The following MICAL2 variants were observed in gnomAD, a reference collection of about 807,000 sequenced individuals.
MICAL2 encodes microtubule associated monooxygenase, calponin and LIM domain containing 2, also known as [F-actin]-monooxygenase MICAL2.
Under a neutral mutation model 127.3 loss-of-function variants are expected in MICAL2, and 77 were observed. The observed-to-expected ratio is 0.60, with a 90% CI of 0.50 to 0.73. MICAL2 has a LOEUF of 0.73. MICAL2 is among the 30% of genes least tolerant of loss of function. MICAL2 has a pLI of 0.00. For missense variants in MICAL2, 1,351 were observed against 1,434.4 expected (o/e 0.94, Z 0.94); for synonymous variants, 570 against 551.1 (o/e 1.03, Z -0.48).
At chr11:12,140,467 T>C (rs1166556914) in intron 2 of MICAL2, among the ~76,000 whole-genome samples, 1 of 151,162 alleles carries the variant, frequency 6.6e-6, no homozygotes, top group Non-Finnish European at 1.5e-5. Flanking sequence ...AGGAGCTCAA[T>C]AAACACTTGT....
At chr11:12,341,370 G>T (rs373846852) in intron 32 of MICAL2, among the ~76,000 whole-genome samples, 2 of 151,772 alleles carry the variant, frequency 1.3e-5, no homozygotes, top group Non-Finnish European at 2.9e-5. Flanking sequence ...TATGAACCAC[G>T]CAGCAAAACA....
At chr11:12,288,045 C>A (rs970886857), downstream of MICAL2, among the ~76,000 whole-genome samples, 1 of 152,152 alleles carries the variant, frequency 6.6e-6, no homozygotes, top group South Asian at 2.1e-4. Context: ...AGGCTCCCAG[C>A]CAGTGAGTCA....
intron 32 of MICAL2, among the ~76,000 whole-genome samples, chr11:12,348,456 T>C (rs1366312236): frequency 6.6e-6 from 1 of 152,172 alleles, no homozygotes; most frequent in East Asian, 1.9e-4. Flanking sequence ...CACTCATGGA[T>C]TTTGATATCC....
At chr11:12,312,340 T>G (rs1387261405) in intron 29 of MICAL2, among the ~76,000 whole-genome samples, 1 of 83,102 alleles carries the variant, frequency 1.2e-5, no homozygotes, top group Non-Finnish European at 2.4e-5. Context: ...TTTCTCAACT[T>G]TTTTTTTTTT....
intron 32 of MICAL2, among the ~76,000 whole-genome samples, chr11:12,345,168 A>G (rs1205402476): frequency 6.6e-6 from 1 of 152,132 alleles, no homozygotes; most frequent in Non-Finnish European, 1.5e-5. Flanking sequence ...AGTATTTAGA[A>G]AGAATTTTGA....
At chr11:12,164,132 GT>G (rs1325755363) in intron 3 of MICAL2, among the ~76,000 whole-genome samples, 1 of 152,050 alleles carries the variant, frequency 6.6e-6, no homozygotes, top group Non-Finnish European at 1.5e-5. Flanking sequence ...TGCCTAGCTG[GT>G]GTGGCCAGCC....
chr11:12,357,989 T>G (rs1939154426), intron 34 of MICAL2, among the ~76,000 whole-genome samples: 1 of 152,184 alleles, frequency 6.6e-6, no homozygotes, highest in South Asian at 2.1e-4. Flanking sequence ...AGCTTCTCTT[T>G]GGGGCAGAGG....
intron 32 of MICAL2, among the ~76,000 whole-genome samples, chr11:12,330,877 GAGAGAC>G (rs1319663039): frequency 2.1e-5 from 3 of 140,146 alleles, no homozygotes; most frequent in East Asian, 2.2e-4. Context: ...GAGAGAGAGA[GAGAGAC>G]AGAGAGAGAG....
chr11:12,301,378 C>T (rs1317006040), intron 29 of MICAL2, among the ~76,000 whole-genome samples: 1 of 152,164 alleles, frequency 6.6e-6, no homozygotes. Flanking sequence ...ATGACTATAT[C>T]ATAATTTATT....
chr11:12,229,532 A>T (rs1270569673), intron 15 of MICAL2, among the ~76,000 whole-genome samples: 1 of 152,194 alleles, frequency 6.6e-6, no homozygotes, highest in Non-Finnish European at 1.5e-5. Context: ...TCCGAGACAG[A>T]CATTTACTGC....
At chr11:12,216,598 C>T (rs1856187001) in intron 8 of MICAL2, among the ~76,000 whole-genome samples, 1 of 152,192 alleles carries the variant, frequency 6.6e-6, no homozygotes, top group African/African-American at 2.4e-5. Context: ...TCCCAAGTCT[C>T]ATCCAGCCTT....
At chr11:12,322,473 C>T (rs1864309780) in intron 30 of MICAL2, among the ~76,000 whole-genome samples, 1 of 152,116 alleles carries the variant, frequency 6.6e-6, no homozygotes, top group African/African-American at 2.4e-5. Flanking sequence ...AAATTTTCTT[C>T]CAAGGATGAA....
At chr11:12,118,480 C>T (rs1283334073) in intron 1 of MICAL2, among the ~76,000 whole-genome samples, 1 of 152,184 alleles carries the variant, frequency 6.6e-6, no homozygotes, top group East Asian at 1.9e-4. Context: ...TGTAAAGAGA[C>T]AGGGCCCACA....
intron 7 of MICAL2, among the ~76,000 whole-genome samples, chr11:12,213,988 C>T (rs534085829): frequency 7.9e-5 from 12 of 152,266 alleles, no homozygotes; most frequent in Admixed American, 7.2e-4. Context: ...TTCATTCACT[C>T]AATATTTATT....
At chr11:12,207,975 G>T (rs180982536) in intron 4 of MICAL2, 48 bp from the exon 5 acceptor site, 2 of 1,367,528 alleles carry the variant, frequency 1.5e-6, no homozygotes, top group Non-Finnish European at 2.1e-6. Context: ...CATATAGGTG[G>T]TGTTCAGGTA....
At chr11:12,172,511 G>A (rs1386105119) in intron 3 of MICAL2, among the ~76,000 whole-genome samples, 2 of 152,138 alleles carry the variant, frequency 1.3e-5, no homozygotes, top group Non-Finnish European at 2.9e-5. Flanking sequence ...TGGCCTTTCA[G>A]TAAATGAGTT....
intron 32 of MICAL2, among the ~76,000 whole-genome samples, chr11:12,348,549 AC>A (rs913349516): frequency 6.6e-6 from 1 of 152,206 alleles, no homozygotes; most frequent in African/African-American, 2.4e-5. Context: ...ATTATCAATA[AC>A]AAGGTGGTCC....
intron 32 of MICAL2, among the ~76,000 whole-genome samples, chr11:12,347,565 G>T (rs765431610): frequency 1.3e-5 from 2 of 151,984 alleles, no homozygotes; most frequent in African/African-American, 4.8e-5. Context: ...AATAATTTGG[G>T]ATATTGCATA....
chr11:12,215,364 G>A (rs932586124), intron 7 of MICAL2, among the ~76,000 whole-genome samples: 19 of 152,176 alleles, frequency 1.2e-4, no homozygotes, highest in African/African-American at 3.9e-4. Flanking sequence ...TACCCAGCAC[G>A]CCTTGTGTAA....
Sources: allele counts gnomAD v4.1 joint callset (sites outside exome capture counted in the v4.1 genomes callset), GRCh38; gene constraint gnomAD v4.1.1; transcripts MANE v1.5; gene names NCBI Gene and HGNC (gene_info 2026-07-23, HGNC 2026-07-21).